Variants in GYPE observed in about 807,000 individuals in gnomAD.
GYPE encodes glycophorin E (MNS blood group).
A neutral mutation model predicts 11.6 loss-of-function variants in GYPE; 8 were observed. That is an observed-to-expected ratio of 0.69 (90% CI 0.41 to 1.25). The LOEUF is 1.25. GYPE is among the 50% of genes most tolerant of loss of function. The pLI, the probability that GYPE is intolerant of heterozygous loss-of-function variation, is 0.01. For missense variants in GYPE, 90 were observed against 92.8 expected, an observed-to-expected ratio of 0.97 and a Z score of 0.12; for synonymous variants, 28 against 29.6, an observed-to-expected ratio of 0.94 and a Z score of 0.18.
Position 143,871,292 on chromosome 4 carries a change from G to A in GYPE, c.*970C>T, listed in dbSNP as rs936438235. 5.9e-5 allele frequency: 9 copies of A among 152,214 alleles called. No individual in the cohort carries two copies. The highest frequency in any genetic ancestry group is 3.3e-4 in the Admixed American group (5 of 15,282). The allele number at this position is 152,214 out of a possible 1,614,324, so 9.4% of individuals were successfully genotyped here. ...ACCTTCAAGGAACCTAAATCCTGGT[G>A]TTTTTATGGTTACGGGTGGCATATA... is the stretch of plus-strand genomic sequence containing the variant. On this transcript the variant is annotated 3_prime_UTR_variant, in exon 4 of 4. Coordinates refer to ENST00000358615, the MANE Select transcript of GYPE (RefSeq NM_198682.3).
rs1020638307 is a variant in GYPE at position 143,876,757 on chromosome 4, A to G, written c.235T>C (p.Ter79ArgextTer74). 7 of 1,567,984 alleles carry G rather than the reference A, an allele frequency of 4.5e-6. No individual in the cohort carries two copies. Among genetic ancestry groups the G allele is most frequent in the African/African-American group, 2.7e-5 (2 of 73,944 alleles). Residue 79 changes from the stop codon to arginine (R), a stop_lost, in exon 3 of 4, where the codon TGA (stop) becomes CGA (arginine). Transcript: ENST00000358615. Reference sequence around the variant, plus strand: ...AACTGAATTCTCACCTTTATCAGTCATCGAATACAGTAAGAAATTAAGATG... The same window carrying G: ...AACTGAATTCTCACCTTTATCAGTCGTCGAATACAGTAAGAAATTAAGATG... Reference protein sequence around the residue: ...MIILISYCIR* With the variant: ...MIILISYCIRR
intron 1 of GYPE, among the ~76,000 whole-genome samples, chr4:143,881,564 A>T (rs187414836): frequency 1.5e-3 from 230 of 152,274 alleles, no homozygotes; most frequent in African/African-American, 4.9e-3. Flanking sequence ...ATGAATATGT[A>T]TATAATGTTT....
At chr4:143,875,385 G>C in intron 3 of GYPE, 5 of 1,376,184 alleles carry the variant, frequency 3.6e-6, no homozygotes, top group Non-Finnish European at 5.0e-6. Flanking sequence ...CAGGGAGTTA[G>C]GATAGCCAAG....
chr4:143,873,602 C>G (rs1743690727), intron 3 of GYPE: 1 of 358,116 alleles, frequency 2.8e-6, no homozygotes, highest in African/African-American at 2.1e-5. Context: ...CTGGAAGAGA[C>G]CCAGATAGAG....
intron 1 of GYPE, among the ~76,000 whole-genome samples, chr4:143,881,127 T>G (rs1045721606): frequency 1.3e-4 from 19 of 151,650 alleles, no homozygotes; most frequent in African/African-American, 4.6e-4. Context: ...AGGCAGAGCT[T>G]GCAGTGAGCT....
At chr4:143,900,101 A>G (rs1744804014) in intron 1 of GYPE, among the ~76,000 whole-genome samples, 1 of 151,694 alleles carries the variant, frequency 6.6e-6, no homozygotes, top group Admixed American at 6.6e-5. Flanking sequence ...TTAGCAACAG[A>G]AAGACAAAAA....
intron 2 of GYPE, among the ~76,000 whole-genome samples, chr4:143,879,728 G>T (rs187384371): frequency 1.7e-4 from 26 of 152,256 alleles, no homozygotes; most frequent in East Asian, 5.8e-4. Flanking sequence ...GTTGAGAAAG[G>T]GAACAAGAAT....
At chr4:143,889,757 GCA>G (rs1334469310) in intron 1 of GYPE, among the ~76,000 whole-genome samples, 2 of 152,086 alleles carry the variant, frequency 1.3e-5, no homozygotes, top group African/African-American at 4.8e-5. Flanking sequence ...AACACTTACT[GCA>G]CACTTACTTC....
At chr4:143,895,239 T>C (rs541153544) in intron 1 of GYPE, among the ~76,000 whole-genome samples, 1 of 152,280 alleles carries the variant, frequency 6.6e-6, no homozygotes, top group African/African-American at 2.4e-5. Flanking sequence ...GACGACATGA[T>C]TGTATATCTA....
intron 1 of GYPE, among the ~76,000 whole-genome samples, chr4:143,897,311 AC>A (rs529327009): frequency 1.1e-3 from 169 of 152,134 alleles, no homozygotes; most frequent in Middle Eastern, 3.4e-3. Context: ...AAATTAAATA[AC>A]AAAAAAATTA....
chr4:143,875,669 T>C (rs1743769798), intron 3 of GYPE, among the ~76,000 whole-genome samples: 2 of 152,102 alleles, frequency 1.3e-5, no homozygotes, highest in Non-Finnish European at 2.9e-5. Context: ...TCTTTTGGCT[T>C]TATAAAAACC....
At chr4:143,891,060 C>A (rs1744383220) in intron 1 of GYPE, among the ~76,000 whole-genome samples, 1 of 152,020 alleles carries the variant, frequency 6.6e-6, no homozygotes, top group South Asian at 2.1e-4. Context: ...CTGTTGAGAG[C>A]CCTTAGTACA....
intron 2 of GYPE, chr4:143,878,540 T>C (rs1743897102): frequency 4.7e-6 from 2 of 425,860 alleles, no homozygotes; most frequent in Non-Finnish European, 9.4e-6. Context: ...ACATATGCTC[T>C]TCTGTTTTAA....
intron 3 of GYPE, chr4:143,875,585 T>A: frequency 1.3e-6 from 2 of 1,547,326 alleles, no homozygotes; most frequent in South Asian, 2.4e-5. Flanking sequence ...AGCCTCTGAT[T>A]GGTCACAGGC....
chr4:143,888,455 A>C (rs1744287511), intron 1 of GYPE, among the ~76,000 whole-genome samples: 1 of 122,950 alleles, frequency 8.1e-6, no homozygotes, highest in Non-Finnish European at 1.7e-5. Flanking sequence ...AAATGCCTTA[A>C]ATAGTTTCCA....
intron 2 of GYPE, chr4:143,878,645 C>T (rs1228118241): frequency 2.1e-6 from 1 of 485,684 alleles, no homozygotes; most frequent in Non-Finnish European, 4.3e-6. Context: ...ATATCTGCTT[C>T]AGGGAAACGA....
chr4:143,878,354 T>C (rs908930178), intron 2 of GYPE, among the ~76,000 whole-genome samples: 10 of 152,190 alleles, frequency 6.6e-5, no homozygotes, highest in Admixed American at 2.0e-4. Context: ...CAGGCTGTTC[T>C]CATATTCCTG....
chr4:143,901,960 A>G (rs1242617539), intron 1 of GYPE, among the ~76,000 whole-genome samples: 1 of 152,080 alleles, frequency 6.6e-6, no homozygotes, highest in Admixed American at 6.6e-5. Flanking sequence ...AAAGATATCT[A>G]TAGATTTGGC....
chr4:143,892,866 G>T (rs1031848889), intron 1 of GYPE, among the ~76,000 whole-genome samples: 3 of 150,510 alleles, frequency 2.0e-5, no homozygotes, highest in Non-Finnish European at 4.4e-5. Context: ...GGGTATCCTT[G>T]TTAACTTTCT....
Sources: allele counts gnomAD v4.1 joint callset (sites outside exome capture counted in the v4.1 genomes callset), GRCh38; gene constraint gnomAD v4.1.1; transcripts MANE v1.5; gene names NCBI Gene and HGNC (gene_info 2026-07-23, HGNC 2026-07-21).